Variants in LUZP1 observed in about 807,000 individuals in gnomAD.
LUZP1 encodes the protein filamin mechanobinding actin cross-linking protein.
Under a neutral mutation model 71.3 loss-of-function variants are expected in LUZP1, and 25 were observed. The observed-to-expected ratio is 0.35, with a 90% CI of 0.26 to 0.49. LUZP1 has a LOEUF of 0.49. Among genes scored for constraint, LUZP1 ranks in the 20% least tolerant of loss-of-function variants. The pLI, the probability that LUZP1 is intolerant of heterozygous loss-of-function variation, is 0.99. For synonymous variants in LUZP1, 481 were observed against 506.4 expected, an observed-to-expected ratio of 0.95 and a Z score of 0.67; for missense variants, 1,142 against 1,300.8, an observed-to-expected ratio of 0.88 and a Z score of 1.88.
chr1:23,122,957 T>C (rs544424908), intron 2 of LUZP1, among the ~76,000 whole-genome samples: 37 of 152,158 alleles, frequency 2.4e-4, no homozygotes, highest in African/African-American at 5.3e-4. Context: ...CATGCTGAGC[T>C]TCAGCAAAGA....
intron 1 of LUZP1, among the ~76,000 whole-genome samples, chr1:23,172,859 A>C (rs1644560244): frequency 6.7e-6 from 1 of 149,998 alleles, no homozygotes; most frequent in Non-Finnish European, 1.5e-5. Flanking sequence ...TTTGAGACAG[A>C]GTCTCGCTCT....
intron 1 of LUZP1, among the ~76,000 whole-genome samples, chr1:23,173,820 C>T (rs1048074865): frequency 5.3e-5 from 8 of 152,126 alleles, no homozygotes; most frequent in African/African-American, 1.2e-4. Context: ...TCTCCTCCTT[C>T]GTGGGGTTCC....
At chr1:23,122,939 C>A (rs933243161) in intron 2 of LUZP1, among the ~76,000 whole-genome samples, 3 of 152,074 alleles carry the variant, frequency 2.0e-5, no homozygotes, top group Admixed American at 1.3e-4. Context: ...AGAACCACAA[C>A]TGGAAGACAT....
downstream of LUZP1, chr1:23,083,832 G>GAA (rs1299855427): frequency 6.5e-6 from 1 of 153,088 alleles, no homozygotes; most frequent in Non-Finnish European, 1.5e-5. Context: ...ATATAAAAGA[G>GAA]AAAAATGGTT....
chr1:23,121,489 A>T lies in LUZP1; in HGVS notation c.-225-12362T>A, dbSNP rs527481028. ...ATCCCAGCACTTGGGAGACCAAGAC[A>T]GAAGGATCACTTGAGGCCAGGAGTT... On this transcript the variant is annotated intron_variant, in intron 2 of 4. Coordinates refer to ENST00000302291, the Ensembl canonical transcript of LUZP1. 6.0e-4 allele frequency among the ~76,000 whole-genome samples: 91 copies of T among 152,326 alleles called. No homozygotes were observed. The Middle Eastern group carries it at 0.014, about 23-fold the overall frequency.
At chr1:23,087,981 G>A (rs759366580) in exon 5 of LUZP1, 2 of 152,564 alleles carry the variant, frequency 1.3e-5, no homozygotes, top group Non-Finnish European at 2.9e-5. Context: ...GTGACTAAAG[G>A]GGTCTGCTTT....
Position 23,142,700 on chromosome 1 carries a change from TACACAC to T in LUZP1, c.-226+26060_-226+26065del, listed in dbSNP as rs60316911. Among the ~76,000 whole-genome samples, 985 of 104,242 alleles carry T rather than the reference TACACAC, an allele frequency of 9.4e-3. 5 individuals carry two copies. The highest frequency in any genetic ancestry group is 0.027 in the East Asian group (75 of 2,738). The allele number at this position is 104,242 out of a possible 152,430, so 68.4% of individuals were successfully genotyped here. A position where few individuals can be genotyped will look rare whatever the true frequency, so the allele number is the denominator to read the frequency against. ...TGGGTGCATAAAATATATATATATA[TACACAC>T]ACACACACACACACACACACACACA... On this transcript the variant is annotated intron_variant, in intron 2 of 4. Coordinates refer to ENST00000302291, the Ensembl canonical transcript of LUZP1.
At chr1:23,155,072 A>T (rs928748892) in intron 2 of LUZP1, among the ~76,000 whole-genome samples, 1 of 152,204 alleles carries the variant, frequency 6.6e-6, no homozygotes, top group Non-Finnish European at 1.5e-5. Context: ...ATCAAATTAC[A>T]CTAAGAATAT....
chr1:23,120,254 TTA>T (rs1557656677), intron 2 of LUZP1, among the ~76,000 whole-genome samples: 1 of 152,006 alleles, frequency 6.6e-6, no homozygotes, highest in Non-Finnish European at 1.5e-5. Context: ...GGAAGTCCAA[TTA>T]TTGAATGCCC....
intron 3 of LUZP1, among the ~76,000 whole-genome samples, chr1:23,107,533 G>A (rs1396594643): frequency 4.6e-5 from 7 of 152,016 alleles, no homozygotes; most frequent in Admixed American, 4.6e-4. Flanking sequence ...GGGTGCAGTG[G>A]CTCACACTTA....
intron 2 of LUZP1, among the ~76,000 whole-genome samples, chr1:23,160,746 G>A (rs561828709): frequency 1.7e-4 from 26 of 152,174 alleles, no homozygotes; most frequent in Non-Finnish European, 3.4e-4. Flanking sequence ...GCTTCTGATC[G>A]AGAAGCTTCC....
intron 2 of LUZP1, among the ~76,000 whole-genome samples, chr1:23,157,974 C>T (rs986691795): frequency 2.6e-5 from 4 of 151,480 alleles, no homozygotes; most frequent in South Asian, 2.1e-4. Flanking sequence ...ATTGAGCCAC[C>T]GCACTCCAGC....
At chr1:23,168,105 G>C (rs1051837390) in intron 2 of LUZP1, among the ~76,000 whole-genome samples, 1 of 148,272 alleles carries the variant, frequency 6.7e-6, no homozygotes, top group African/African-American at 2.4e-5. Flanking sequence ...CAGAGCGCCC[G>C]GGACGCGGGC....
intron 2 of LUZP1, among the ~76,000 whole-genome samples, chr1:23,125,563 C>A (rs935748943): frequency 6.6e-6 from 1 of 152,102 alleles, no homozygotes; most frequent in African/African-American, 2.4e-5. Flanking sequence ...TGTGAGCAAG[C>A]TTTTTACTAA....
chr1:23,112,197 C>T (rs1468627714), intron 2 of LUZP1, among the ~76,000 whole-genome samples: 1 of 152,226 alleles, frequency 6.6e-6, no homozygotes, highest in Non-Finnish European at 1.5e-5. Context: ...CGTACTTGCC[C>T]TCTGTCCCCA....
At chr1:23,167,035 G>A (rs1644515349) in intron 2 of LUZP1, among the ~76,000 whole-genome samples, 3 of 152,122 alleles carry the variant, frequency 2.0e-5, no homozygotes, top group African/African-American at 7.2e-5. Flanking sequence ...GGAGTAAATT[G>A]AGCAAAACCT....
rs1250914225 is a variant in LUZP1, at chr1:23,162,841, G to A, written c.-226+5925C>T. 2.6e-5 allele frequency: 4 copies of A among 152,076 alleles called. No homozygotes were observed. In the East Asian group the frequency reaches 5.8e-4, roughly 22 times the overall value. The allele number at this position is 152,076 out of a possible 1,614,324, so 9.4% of individuals were successfully genotyped here. ...TTTTTGTAAAAATAAAGAAACAAAC[G>A]GTATAAAGGGGCACATGCAAATACG... On this transcript the variant is annotated intron_variant, in intron 2 of 4. Transcript: ENST00000302291.
chr1:23,107,278 T>C (rs568263424), intron 3 of LUZP1, among the ~76,000 whole-genome samples: 1 of 152,352 alleles, frequency 6.6e-6, no homozygotes, highest in African/African-American at 2.4e-5. Context: ...CTTCTTAGCA[T>C]GTACTATCTA....
At chr1:23,139,019 A>AAAAAAAAAAATATAT (rs1317355746) in intron 2 of LUZP1, among the ~76,000 whole-genome samples, 13 of 59,954 alleles carry the variant, frequency 2.2e-4, no homozygotes, top group South Asian at 7.9e-4. Context: ...AAAAAAAAAA[A>AAAAAAAAAAATATAT]ATATATATAT....
Sources: allele counts gnomAD v4.1 joint callset (sites outside exome capture counted in the v4.1 genomes callset), GRCh38; gene constraint gnomAD v4.1.1; transcripts MANE v1.5; gene names NCBI Gene and HGNC (gene_info 2026-07-23, HGNC 2026-07-21).